The following DENND2D variants were observed in gnomAD, a reference collection of about 807,000 sequenced individuals.
DENND2D encodes the protein DENN domain containing 2D.
A neutral mutation model predicts 59.8 loss-of-function variants in DENND2D; 37 were observed. The observed-to-expected ratio is 0.62, with a 90% CI of 0.48 to 0.81. The LOEUF is 0.81. DENND2D is among the 40% of genes least tolerant of loss of function. DENND2D has a pLI of 0.00. For missense variants in DENND2D, 525 were observed against 579.7 expected, an observed-to-expected ratio of 0.91 and a Z score of 0.97; for synonymous variants, 219 against 211.3, an observed-to-expected ratio of 1.04 and a Z score of -0.31.
upstream of DENND2D, chr1:111,204,309 C>CT: frequency 6.7e-7 from 1 of 1,482,820 alleles, no homozygotes; most frequent in Non-Finnish European, 8.9e-7. Context: ...CATGGCCGCG[C>CT]TTCAGTCTCA....
chr1:111,188,021 A>G, intron 11 of DENND2D, 110 bp downstream of exon 11: 3 of 1,441,096 alleles, frequency 2.1e-6, no homozygotes, highest in Non-Finnish European at 2.8e-6. Flanking sequence ...ATAAAAGTCT[A>G]CCTACAGCTA....
chr1:111,191,323 A>G (rs1281966900), intron 8 of DENND2D, among the ~76,000 whole-genome samples: 2 of 152,170 alleles, frequency 1.3e-5, no homozygotes, highest in African/African-American at 2.4e-5. Flanking sequence ...ACTGTTGTCT[A>G]TGTGGCCTTG....
In DENND2D at chr1:111,197,263, G is replaced by A. The variant is rs539965938; in HGVS notation, c.427-10C>T. The A allele has an allele frequency of 2.5e-6, 4 of 1,609,496 alleles. No homozygotes were observed. In the East Asian group the frequency reaches 6.7e-5, roughly 27 times the overall value. ...GGCCAGGGCCGGCAGGCTGGGGAGG[G>A]ACAGAGAGGCTCCTTCAGTGCTGCA... On this transcript the variant is annotated splice_polypyrimidine_tract_variant and intron_variant, in intron 4 of 11. Coordinates refer to ENST00000357640, the MANE Select transcript of DENND2D (RefSeq NM_024901.5).
In DENND2D at chr1:111,192,159, A is replaced by G. The variant is rs1657837565; in HGVS notation, c.953T>C (p.Met318Thr). 3 of 1,610,224 alleles carry G rather than the reference A, an allele frequency of 1.9e-6. No individual in the cohort carries two copies. The highest frequency in any genetic ancestry group is 2.5e-6 in the Non-Finnish European group (3 of 1,177,854). The part of the protein sequence containing the change: ...GVQMRFQQEV[M>T]DSPMEEVLLV... ...TCATACCTCTTCCATAGGGCTGTCC[A>G]TGACCTCCTGCTGGAAGCGCATTTG... The change falls in exon 8 of 12, where the codon ATG becomes ACG. Residue 318 changes from methionine (M) to threonine (T), a missense_variant. Physicochemically the swap from Met to Thr is moderately conservative, Grantham distance 81 (BLOSUM62 -1). This residue lies in a region of DENND2D where 225 missense variants were observed against 252.4 expected (regional missense o/e 0.89). Transcript: ENST00000357640.
intron 6 of DENND2D, 50 bp from the exon 7 acceptor site, chr1:111,194,776 G>A (rs9970286): frequency 0.31 from 501,264 of 1,601,120 alleles, 79,985 homozygotes; most frequent in East Asian, 0.38. Flanking sequence ...GCAAGATCAT[G>A]CAGACCCCGA....
upstream of DENND2D, chr1:111,204,575 G>C (rs1351919170): frequency 7.1e-6 from 3 of 422,330 alleles, no homozygotes; most frequent in Non-Finnish European, 8.1e-6. Context: ...GGGTGGAAGA[G>C]GGCGCTCGAC....
In DENND2D at chr1:111,186,187, T is replaced by C. The variant is rs1657247701; in HGVS notation, c.*1418A>G. 6.6e-6 allele frequency among the ~76,000 whole-genome samples: 1 copy of C among 152,160 alleles called. No homozygotes were observed. The highest frequency in any genetic ancestry group is 1.5e-5 in the Non-Finnish European group (1 of 68,024). ...GGTCCTATCACTAGAGATGATTTGG[T>C]GTATTTGTGATGAGGCATAAGAGGA... On this transcript the variant is annotated 3_prime_UTR_variant, in exon 12 of 12. Transcript: ENST00000357640.
intron 6 of DENND2D, chr1:111,195,535 G>C (rs1658143768): frequency 9.4e-6 from 2 of 212,212 alleles, no homozygotes; most frequent in Non-Finnish European, 1.9e-5. Context: ...GGGGATGGAT[G>C]ATAAGAAATG....
In DENND2D at chr1:111,200,483, G is replaced by T; in HGVS notation, c.-24C>A. On this transcript the variant is annotated 5_prime_UTR_variant, in exon 1 of 12. Coordinates refer to ENST00000357640, the MANE Select transcript of DENND2D (RefSeq NM_024901.5). ...ATCTCTGGGCCTTCAGGACAGAGCGGACTCCCCTCTCCCCTAACACAGACA... is the reference window on the plus strand; with the variant it reads ...ATCTCTGGGCCTTCAGGACAGAGCGTACTCCCCTCTCCCCTAACACAGACA... The T allele has an allele frequency of 6.3e-7, 1 of 1,597,356 alleles. No individual in the cohort carries two copies.
At chr1:111,195,818 T>C in intron 6 of DENND2D, 98 bp downstream of exon 6, 5 of 1,561,732 alleles carry the variant, frequency 3.2e-6, no homozygotes, top group Non-Finnish European at 4.4e-6. Flanking sequence ...TCAGTTTCTC[T>C]GTACTTTAAC....
chr1:111,202,775 G>A (rs1287923540), upstream of DENND2D, among the ~76,000 whole-genome samples: 5 of 151,968 alleles, frequency 3.3e-5, no homozygotes, highest in Non-Finnish European at 7.4e-5. Flanking sequence ...AAAGGAGGAA[G>A]GGGGAGAATC....
chr1:111,202,725 A>ACACTCC (rs1315861220), upstream of DENND2D, among the ~76,000 whole-genome samples: 20 of 149,072 alleles, frequency 1.3e-4, no homozygotes, highest in African/African-American at 4.3e-4. Flanking sequence ...ACACACACAC[A>ACACTCC]CTCCCTCCTA....
intron 8 of DENND2D, among the ~76,000 whole-genome samples, chr1:111,191,509 A>G (rs1001469974): frequency 6.6e-6 from 1 of 152,186 alleles, no homozygotes; most frequent in East Asian, 1.9e-4. Context: ...GCGGGGATAG[A>G]TTTACGCTTT....
At position 111,186,354 on chromosome 1, in the gene DENND2D, G is replaced by A. The variant is rs952096051; in HGVS notation, c.*1251C>T. On this transcript the variant is annotated 3_prime_UTR_variant, in exon 12 of 12. Coordinates refer to ENST00000357640, the MANE Select transcript of DENND2D (RefSeq NM_024901.5). ...GAAGAATAGTAGTGTAGCTAAGCAC[G>A]GTGTGTGGACAGTGGGACATCTGCC... is the stretch of plus-strand genomic sequence containing the variant. 4.6e-5 allele frequency among the ~76,000 whole-genome samples: 7 copies of A among 152,152 alleles called. No individual in the cohort carries two copies. Among genetic ancestry groups the A allele is most frequent in the African/African-American group, 1.4e-4 (6 of 41,430 alleles).
intron 8 of DENND2D, among the ~76,000 whole-genome samples, chr1:111,190,709 G>A (rs1175994205): frequency 1.3e-5 from 2 of 152,216 alleles, no homozygotes; most frequent in South Asian, 2.1e-4. Flanking sequence ...GTGACCCTTG[G>A]TCTTGATAGA....
At chr1:111,197,368 T>G (rs1571193682) in intron 4 of DENND2D, 115 bp from the exon 5 acceptor site, 2 of 1,514,050 alleles carry the variant, frequency 1.3e-6, no homozygotes, top group Non-Finnish European at 1.8e-6. Context: ...TGGGGAATGG[T>G]GGGTGCAGCA....
intron 9 of DENND2D, 43 bp downstream of exon 9, chr1:111,189,169 A>T: frequency 6.2e-7 from 1 of 1,603,424 alleles, no homozygotes; most frequent in East Asian, 2.2e-5. Context: ...AGAGTGGTAG[A>T]GTTGTTGATA....
At chr1:111,195,816 T>C in intron 6 of DENND2D, 100 bp downstream of exon 6, 1 of 1,553,812 alleles carries the variant, frequency 6.4e-7, no homozygotes, top group Non-Finnish European at 8.8e-7. Flanking sequence ...GCTCAGTTTC[T>C]CTGTACTTTA....
intron 1 of DENND2D, chr1:111,200,174 A>G: frequency 3.2e-6 from 2 of 615,602 alleles, no homozygotes; most frequent in Non-Finnish European, 5.6e-6. Flanking sequence ...AGTGAATAAG[A>G]ACAGGCTCAA....
Sources: gnomAD v4.1 joint callset for allele counts (sites outside exome capture counted in the v4.1 genomes callset) on GRCh38, gnomAD v4.1.1 for gene constraint, gnomAD v4.1.1 regional missense constraint, MANE v1.5 for transcripts, NCBI Gene and HGNC (gene_info 2026-07-23, HGNC 2026-07-21) for gene names.